Variants in JMJD1C observed in about 807,000 individuals in gnomAD.
JMJD1C encodes jumonji domain containing 1C.
A neutral mutation model predicts 245.3 loss-of-function variants in JMJD1C; 31 were observed. That is an observed-to-expected ratio of 0.13 (90% CI 0.09 to 0.17). The LOEUF is 0.17. Ranked by LOEUF, JMJD1C falls within the 10% of genes least tolerant of loss-of-function variation. JMJD1C has a pLI of 1.00. For missense variants in JMJD1C, 2,691 were observed against 3,000.2 expected, an observed-to-expected ratio of 0.90 and a Z score of 2.41; for synonymous variants, 1,057 against 1,017.4, an observed-to-expected ratio of 1.04 and a Z score of -0.74.
In JMJD1C at chr10:63,508,241, C is replaced by A. The variant is rs564843165; in HGVS notation, n.113+13497G>T. 1.2e-4 allele frequency among the ~76,000 whole-genome samples: 19 copies of A among 152,174 alleles called. 1 individual carries two copies. In the South Asian group the frequency reaches 3.3e-3, roughly 27 times the overall value. On this transcript the variant is annotated intron_variant and non_coding_transcript_variant, in intron 1 of 3. Coordinates refer to the JMJD1C transcript ENST00000633035. ...ACATTATTTTTTGAAAATATTATAT[C>A]TTTTTTCCATTGTATTGCCTTTATT...
chr10:63,344,217 T>C (rs1412962015), intron 2 of JMJD1C, among the ~76,000 whole-genome samples: 2 of 152,226 alleles, frequency 1.3e-5, no homozygotes, highest in Non-Finnish European at 2.9e-5. Flanking sequence ...CTGTATAGTA[T>C]TTCCTTTACC....
chr10:63,409,053 G>A (rs1013786180), intron 1 of JMJD1C, among the ~76,000 whole-genome samples: 1 of 152,158 alleles, frequency 6.6e-6, no homozygotes, highest in Non-Finnish European at 1.5e-5. Flanking sequence ...CATATACTAA[G>A]TAGCTAACCA....
At chr10:63,519,516 A>G (rs1045469353) in intron 1 of JMJD1C, among the ~76,000 whole-genome samples, 22 of 152,236 alleles carry the variant, frequency 1.4e-4, no homozygotes, top group African/African-American at 5.1e-4. Flanking sequence ...CTAATACACC[A>G]TGTCTGTTCT....
chr10:63,479,367 A>C (rs1444703872), intron 1 of JMJD1C, among the ~76,000 whole-genome samples: 1 of 152,012 alleles, frequency 6.6e-6, no homozygotes, highest in African/African-American at 2.4e-5. Context: ...TATCCATTAA[A>C]GACTTTTCTT....
At chr10:63,269,084 C>A in intron 2 of JMJD1C, 1 of 985,384 alleles carries the variant, frequency 1.0e-6, no homozygotes, top group Non-Finnish European at 1.2e-6. Flanking sequence ...CTCTCGAGGT[C>A]GCTTACATAA....
intron 1 of JMJD1C, among the ~76,000 whole-genome samples, chr10:63,512,045 T>A (rs566425473): frequency 6.6e-6 from 1 of 152,228 alleles, no homozygotes; most frequent in Admixed American, 6.5e-5. Flanking sequence ...AAGTACCTTA[T>A]AATAACCAAA....
At chr10:63,313,955 G>C (rs889464216) in intron 2 of JMJD1C, among the ~76,000 whole-genome samples, 4 of 152,210 alleles carry the variant, frequency 2.6e-5, no homozygotes, top group Admixed American at 2.0e-4. Flanking sequence ...CTTTGTTTTT[G>C]TTGCATTTGC....
chr10:63,351,439 ATATG>A (rs1454227179), intron 2 of JMJD1C, among the ~76,000 whole-genome samples: 1 of 152,192 alleles, frequency 6.6e-6, no homozygotes, highest in Non-Finnish European at 1.5e-5. Context: ...TAATTCCAAT[ATATG>A]TATTAAATTT....
At chr10:63,429,277 C>T (rs1035289306) in intron 1 of JMJD1C, among the ~76,000 whole-genome samples, 4 of 152,002 alleles carry the variant, frequency 2.6e-5, no homozygotes, top group African/African-American at 9.7e-5. Context: ...CCGAGCCCAG[C>T]CTGACAGGTC....
At chr10:63,362,271 T>C (rs1945443382) in intron 2 of JMJD1C, among the ~76,000 whole-genome samples, 1 of 150,390 alleles carries the variant, frequency 6.6e-6, no homozygotes. Flanking sequence ...TTGAAAGAAG[T>C]GTTTACCAAT....
chr10:63,498,336 G>A (rs1023466937), intron 1 of JMJD1C, among the ~76,000 whole-genome samples: 1 of 151,984 alleles, frequency 6.6e-6, no homozygotes, highest in Non-Finnish European at 1.5e-5. Context: ...GAAACAAGGG[G>A]CTTCAGATAA....
At position 63,170,002 on chromosome 10, in the gene JMJD1C, CCTTAT is replaced by C. The variant is rs370009861; in HGVS notation, c.7402-1441_7402-1437del. On this transcript the variant is annotated intron_variant, in intron 24 of 25. Coordinates refer to ENST00000399262, the MANE Select transcript of JMJD1C (RefSeq NM_032776.3). Reference sequence around the variant, plus strand: ...TACAGAGTCTCCAAATGCCCTCTCTCCTTATGTCTTTCATTTATCTGAACTTAAGG... The same window carrying C: ...TACAGAGTCTCCAAATGCCCTCTCTCGTCTTTCATTTATCTGAACTTAAGG... 1.1e-3 allele frequency among the ~76,000 whole-genome samples: 171 copies of C among 152,272 alleles called. 8 individuals carry two copies. In the South Asian group the frequency reaches 0.034, roughly 30 times the overall value.
chr10:63,470,688 C>G (rs1038648759), upstream of JMJD1C, among the ~76,000 whole-genome samples: 1 of 151,970 alleles, frequency 6.6e-6, no homozygotes, highest in South Asian at 2.1e-4. Flanking sequence ...AATATACAAA[C>G]ATAACTTTCT....
intron 1 of JMJD1C, among the ~76,000 whole-genome samples, chr10:63,474,105 A>C (rs1953582750): frequency 9.1e-6 from 1 of 109,498 alleles, no homozygotes; most frequent in Non-Finnish European, 2.1e-5. Context: ...AAATAATAAT[A>C]ATAAATAAAT....
intron 1 of JMJD1C, among the ~76,000 whole-genome samples, chr10:63,386,769 C>T: frequency 6.6e-6 from 1 of 152,168 alleles, no homozygotes; most frequent in Non-Finnish European, 1.5e-5. Flanking sequence ...ATCAACTATG[C>T]CACGCCTACC....
chr10:63,427,931 G>C (rs1367113989), intron 1 of JMJD1C: 1 of 710,428 alleles, frequency 1.4e-6, no homozygotes, highest in East Asian at 2.7e-5. Context: ...CCTAGAAGCA[G>C]CAGCAGCAGC....
At chr10:63,380,766 T>A (rs1377731608) in intron 1 of JMJD1C, among the ~76,000 whole-genome samples, 5 of 152,234 alleles carry the variant, frequency 3.3e-5, no homozygotes, top group African/African-American at 1.2e-4. Flanking sequence ...TAGCACTTAC[T>A]CCTTCTATCT....
intron 2 of JMJD1C, among the ~76,000 whole-genome samples, chr10:63,280,883 G>A (rs1431476242): frequency 2.0e-5 from 3 of 151,996 alleles, no homozygotes; most frequent in Non-Finnish European, 4.4e-5. Flanking sequence ...AAACCAAGTA[G>A]GCTGTCCCGC....
At chr10:63,429,486 T>C (rs1266981290) in intron 1 of JMJD1C, among the ~76,000 whole-genome samples, 1 of 152,168 alleles carries the variant, frequency 6.6e-6, no homozygotes, top group South Asian at 2.1e-4. Flanking sequence ...GCCCCTAACA[T>C]GAAGGATGAG....
Sources: gnomAD v4.1 joint callset for allele counts (sites outside exome capture counted in the v4.1 genomes callset) on GRCh38, gnomAD v4.1.1 for gene constraint, MANE v1.5 for transcripts, NCBI Gene and HGNC (gene_info 2026-07-23, HGNC 2026-07-21) for gene names.